The following GYS2 variants were observed in gnomAD, a reference collection of about 807,000 sequenced individuals.
GYS2 encodes glycogen synthase 2.
Under a neutral mutation model 85.6 loss-of-function variants are expected in GYS2, and 80 were observed. The ratio of observed to expected loss-of-function variants is 0.93; its 90% CI spans 0.78 to 1.13. The LOEUF (loss-of-function observed/expected upper bound fraction) is 1.13, where lower values mean the gene tolerates loss of function less well. GYS2 is among the 50% of genes most tolerant of loss of function. The probability of loss-of-function intolerance (pLI) is 0.00; values close to 1 mark genes in which losing one functional copy is unlikely to be tolerated. For synonymous variants in GYS2, 328 were observed against 300.7 expected (o/e 1.09, Z -0.94); for missense variants, 881 against 854.9 (o/e 1.03, Z -0.38).
chr12:21,580,205 A>G, intron 2 of GYS2, 137 bp downstream of exon 2: 1 of 808,842 alleles, frequency 1.2e-6, no homozygotes, highest in South Asian at 1.4e-5. Flanking sequence ...TTTAAAAGCA[A>G]GTTCATCATC....
chr12:21,564,505 CT>C (rs1321034698), intron 5 of GYS2, among the ~76,000 whole-genome samples: 1 of 151,942 alleles, frequency 6.6e-6, no homozygotes, highest in Non-Finnish European at 1.5e-5. Context: ...TCAATCCAGG[CT>C]TTTTGGTCAT....
At chr12:21,564,225 A>G (rs1732492929) in intron 5 of GYS2, among the ~76,000 whole-genome samples, 1 of 152,170 alleles carries the variant, frequency 6.6e-6, no homozygotes, top group Non-Finnish European at 1.5e-5. Context: ...TAATTTTAAG[A>G]ATCTTTTCCA....
chr12:21,598,072 C>A (rs1018565922), intron 1 of GYS2, among the ~76,000 whole-genome samples: 3 of 151,570 alleles, frequency 2.0e-5, no homozygotes, highest in Non-Finnish European at 4.4e-5. Flanking sequence ...GGAAGGGAGA[C>A]GAAGAGAAGT....
chr12:21,538,698 A>G (rs1943937928), intron 15 of GYS2, among the ~76,000 whole-genome samples: 1 of 152,170 alleles, frequency 6.6e-6, no homozygotes. Flanking sequence ...GAAATGCCTG[A>G]CGCTCCCCTG....
At chr12:21,567,839 C>T (rs1944339683) in intron 5 of GYS2, among the ~76,000 whole-genome samples, 1 of 152,048 alleles carries the variant, frequency 6.6e-6, no homozygotes, top group South Asian at 2.1e-4. Context: ...CTTTGGGAGG[C>T]CAAGGCGGGT....
intron 1 of GYS2, among the ~76,000 whole-genome samples, chr12:21,583,313 T>A (rs1466846962): frequency 2.0e-5 from 3 of 152,210 alleles, no homozygotes; most frequent in Non-Finnish European, 4.4e-5. Flanking sequence ...AAGTGAAGGA[T>A]AATTTGCTGC....
intron 11 of GYS2, among the ~76,000 whole-genome samples, chr12:21,549,068 G>T (rs576582662): frequency 6.6e-6 from 1 of 151,524 alleles, no homozygotes; most frequent in Non-Finnish European, 1.5e-5. Flanking sequence ...AAAATGTGTT[G>T]TACCTGTAGC....
At chr12:21,545,017 C>T (rs1274221304) in intron 12 of GYS2, among the ~76,000 whole-genome samples, 2 of 152,258 alleles carry the variant, frequency 1.3e-5, no homozygotes, top group Non-Finnish European at 1.5e-5. Flanking sequence ...ATAATTCAGC[C>T]TATTATTCCC....
intron 11 of GYS2, among the ~76,000 whole-genome samples, chr12:21,557,474 C>A (rs918463693): frequency 7.2e-5 from 11 of 152,184 alleles, no homozygotes; most frequent in African/African-American, 2.7e-4. Context: ...CAGCCACATT[C>A]TCTGAAACTG....
intron 2 of GYS2, among the ~76,000 whole-genome samples, chr12:21,579,217 C>T (rs1289673188): frequency 6.6e-6 from 1 of 152,114 alleles, no homozygotes; most frequent in Non-Finnish European, 1.5e-5. Context: ...TACCAATAGC[C>T]TAGTGGCTTA....
chr12:21,590,938 C>G (rs1436142916), intron 1 of GYS2, among the ~76,000 whole-genome samples: 1 of 152,018 alleles, frequency 6.6e-6, no homozygotes, highest in Non-Finnish European at 1.5e-5. Context: ...AAATCAAAAT[C>G]AAAGTGCCCT....
rs151057795 is a variant in GYS2 at position 21,568,352 on chromosome 12, G to A, written c.823+513C>T. On this transcript the variant is annotated intron_variant, in intron 5 of 15. Coordinates refer to ENST00000261195, the MANE Select transcript of GYS2 (RefSeq NM_021957.4). The stretch of plus-strand genomic sequence containing the variant: ...CAATCAGCCGTGGCCGGGTGACAGG[G>A]CCATGTCTTATGAGCATGAGTTCTT... Among the ~76,000 whole-genome samples the A allele has an allele frequency of 2.5e-3, 382 of 152,266 alleles. 1 individual carries two copies. Among genetic ancestry groups the A allele is most frequent in the South Asian group, 0.014 (66 of 4,826 alleles).
intron 7 of GYS2, among the ~76,000 whole-genome samples, chr12:21,562,200 C>G (rs1050115011): frequency 1.4e-4 from 22 of 152,264 alleles, no homozygotes; most frequent in Middle Eastern, 3.4e-3. Context: ...TAAGAACCTT[C>G]TTTTTCCTCC....
intron 7 of GYS2, among the ~76,000 whole-genome samples, chr12:21,560,987 CAGAT>C (rs1404132370): frequency 1.3e-5 from 2 of 152,052 alleles, no homozygotes; most frequent in Admixed American, 6.6e-5. Flanking sequence ...TGATTGATGA[CAGAT>C]AGATTATTTT....
At chr12:21,539,840 TCTCTCATTCAGC>T (rs1943951596) in intron 14 of GYS2, among the ~76,000 whole-genome samples, 1 of 152,216 alleles carries the variant, frequency 6.6e-6, no homozygotes, top group Admixed American at 6.5e-5. Context: ...AATGGCAGCA[TCTCTCATTCAGC>T]CAAGAGTGTT....
chr12:21,560,450 G>A lies in GYS2; in HGVS notation c.1105C>T (p.Pro369Ser). 3.7e-6 allele frequency: 6 copies of A among 1,608,270 alleles called. No homozygotes were observed. Among genetic ancestry groups the A allele is most frequent in the Non-Finnish European group, 3.4e-6 (4 of 1,174,786 alleles). The change falls in exon 8 of 16, where the codon CCT (proline) becomes TCT (serine). Residue 369 changes from proline to serine, a missense_variant. Physicochemically the swap from Pro to Ser is moderately conservative, Grantham distance 74. Coordinates refer to ENST00000261195, the MANE Select transcript of GYS2 (RefSeq NM_021957.4). ...ACGTTGAAATTATTTGTCTTGGCAG[G>A]CATAATGAAAAACACCATCACTGTG... The part of the protein sequence containing the change: ...DITVMVFFIM[P>S]AKTNNFNVET...
intron 1 of GYS2, among the ~76,000 whole-genome samples, chr12:21,597,027 C>G (rs1490346037): frequency 6.6e-6 from 1 of 151,914 alleles, no homozygotes; most frequent in East Asian, 1.9e-4. Context: ...CTAATACAAC[C>G]CCTATTTATT....
At position 21,569,127 on chromosome 12, in the gene GYS2, A is replaced by G. The variant is rs1026585567; in HGVS notation, c.679-118T>C. On this transcript the variant is annotated intron_variant, in intron 4 of 15. Coordinates refer to ENST00000261195, the MANE Select transcript of GYS2 (RefSeq NM_021957.4). ...CAAGGCTGTGTAAAAATTTATGACCACAAAAAAGTAATAAAAACTTGAATT... is the reference window on the plus strand; with the variant it reads ...CAAGGCTGTGTAAAAATTTATGACCGCAAAAAAGTAATAAAAACTTGAATT... 1.2e-4 allele frequency: 111 copies of G among 935,050 alleles called. No individual in the cohort carries two copies. In the African/African-American group the frequency reaches 1.5e-3, roughly 13 times the overall value. 57.9% of individuals were successfully genotyped at this position (935,050 alleles called of 1,614,324 possible).
At chr12:21,546,286 C>T (rs1944038191) in intron 12 of GYS2, 58 bp downstream of exon 12, 2 of 1,205,380 alleles carry the variant, frequency 1.7e-6, no homozygotes, top group South Asian at 1.3e-5. Context: ...TATATATGCA[C>T]ATAAAATAAT....
Sources: gnomAD v4.1 joint callset for allele counts (sites outside exome capture counted in the v4.1 genomes callset) on GRCh38, gnomAD v4.1.1 for gene constraint, MANE v1.5 for transcripts, NCBI Gene and HGNC (gene_info 2026-07-23, HGNC 2026-07-21) for gene names.